Variants in PALLD observed in about 807,000 individuals in gnomAD.
PALLD encodes the protein palladin.
A neutral mutation model predicts 123.5 loss-of-function variants in PALLD; 61 were observed. That is an observed-to-expected ratio of 0.49 (90% CI 0.40 to 0.61). The LOEUF is 0.61. Among genes scored for constraint, PALLD ranks in the 20% least tolerant of loss-of-function variants. PALLD has a pLI of 0.00. For missense variants in PALLD, 1,273 were observed against 1,377.0 expected, an observed-to-expected ratio of 0.92 and a Z score of 1.20; for synonymous variants, 465 against 496.4, an observed-to-expected ratio of 0.94 and a Z score of 0.84.
chr4:168,690,982 T>G (rs529400789), intron 7 of PALLD, among the ~76,000 whole-genome samples: 1 of 152,184 alleles, frequency 6.6e-6, no homozygotes, highest in Admixed American at 6.5e-5. Flanking sequence ...GTACTCAAAT[T>G]TGCATGAATA....
At chr4:168,925,805 G>A (rs552717967) in intron 21 of PALLD, among the ~76,000 whole-genome samples, 3 of 152,056 alleles carry the variant, frequency 2.0e-5, no homozygotes, top group Non-Finnish European at 4.4e-5. Flanking sequence ...CCTACTGTAC[G>A]ATTCCTTTCA....
chr4:168,694,454 C>A (rs1475899164), intron 8 of PALLD, among the ~76,000 whole-genome samples: 1 of 152,048 alleles, frequency 6.6e-6, no homozygotes, highest in Admixed American at 6.6e-5. Flanking sequence ...GTCTCTTTCT[C>A]TCCCCTCACC....
At chr4:168,634,841 G>A (rs1776183369) in intron 2 of PALLD, among the ~76,000 whole-genome samples, 1 of 152,196 alleles carries the variant, frequency 6.6e-6, no homozygotes, top group Admixed American at 6.5e-5. Flanking sequence ...ATTGTTGGCT[G>A]AACTGGCTCA....
intron 3 of PALLD, among the ~76,000 whole-genome samples, chr4:168,672,198 G>A (rs993599720): frequency 6.6e-6 from 1 of 152,150 alleles, no homozygotes; most frequent in Non-Finnish European, 1.5e-5. Flanking sequence ...TCAGATCAGG[G>A]TAATTAGCAT....
intron 2 of PALLD, among the ~76,000 whole-genome samples, chr4:168,581,399 C>T (rs761927674): frequency 3.5e-4 from 53 of 152,096 alleles, no homozygotes; most frequent in Middle Eastern, 3.4e-3. Flanking sequence ...TTTCTTCACG[C>T]CCTTGCCAAC....
At chr4:168,834,460 C>T (rs1034468791) in intron 10 of PALLD, among the ~76,000 whole-genome samples, 4 of 151,994 alleles carry the variant, frequency 2.6e-5, no homozygotes, top group East Asian at 1.9e-4. Context: ...AACAATAGGC[C>T]GGGCATAGAG....
intron 15 of PALLD, among the ~76,000 whole-genome samples, chr4:168,910,355 G>C (rs1364333317): frequency 6.6e-6 from 1 of 151,248 alleles, no homozygotes; most frequent in East Asian, 1.9e-4. Flanking sequence ...GTACATTTCA[G>C]TATGATTGTG....
intron 10 of PALLD, chr4:168,712,167 C>T: frequency 1.8e-6 from 1 of 568,398 alleles, no homozygotes; most frequent in Non-Finnish European, 3.1e-6. Context: ...GTGAAAATAT[C>T]TGTGCCCAGT....
chr4:168,594,367 TC>T (rs1034169525), intron 2 of PALLD, among the ~76,000 whole-genome samples: 84 of 152,256 alleles, frequency 5.5e-4, no homozygotes, highest in Non-Finnish European at 8.2e-4. Context: ...ATACCATCAT[TC>T]CTGACAGTTT....
intron 6 of PALLD, among the ~76,000 whole-genome samples, chr4:168,685,831 A>C (rs1453837326): frequency 1.3e-5 from 2 of 151,298 alleles, no homozygotes; most frequent in Non-Finnish European, 2.9e-5. Context: ...AAAAAAAAAA[A>C]AAAACCTGCT....
chr4:168,546,648 T>C (rs948334363), intron 2 of PALLD, among the ~76,000 whole-genome samples: 3 of 152,116 alleles, frequency 2.0e-5, no homozygotes, highest in African/African-American at 4.8e-5. Context: ...ATGAAAAAAG[T>C]TGGTCCAGTA....
chr4:168,499,302 G>A (rs1761125738), intron 1 of PALLD, among the ~76,000 whole-genome samples: 1 of 84,812 alleles, frequency 1.2e-5, no homozygotes, highest in Non-Finnish European at 2.4e-5. Context: ...GAGGATGGGA[G>A]GGAGGAAGGG....
At chr4:168,811,209 T>C (rs2150740632) in intron 10 of PALLD, among the ~76,000 whole-genome samples, 1 of 152,332 alleles carries the variant, frequency 6.6e-6, no homozygotes, top group East Asian at 1.9e-4. Flanking sequence ...TCAGCCAACA[T>C]GTAAAGTGAC....
chr4:168,523,355 T>C (rs1763751523), intron 2 of PALLD, among the ~76,000 whole-genome samples: 1 of 152,056 alleles, frequency 6.6e-6, no homozygotes, highest in African/African-American at 2.4e-5. Context: ...GTCAGAAAGA[T>C]CTTCAAAATA....
intron 10 of PALLD, among the ~76,000 whole-genome samples, chr4:168,748,419 T>C (rs1730596311): frequency 6.6e-6 from 1 of 152,218 alleles, no homozygotes; most frequent in Admixed American, 6.5e-5. Flanking sequence ...CAGTTCTAAG[T>C]AATATAGGGG....
intron 2 of PALLD, among the ~76,000 whole-genome samples, chr4:168,558,938 C>T (rs1277215595): frequency 6.6e-6 from 1 of 152,160 alleles, no homozygotes; most frequent in East Asian, 1.9e-4. Context: ...TATAATGTAA[C>T]TTTCCACATA....
chr4:168,602,044 A>G (rs1427615118), intron 2 of PALLD, among the ~76,000 whole-genome samples: 1 of 152,214 alleles, frequency 6.6e-6, no homozygotes, highest in East Asian at 1.9e-4. Flanking sequence ...TCCAGCATAG[A>G]GCACTCTTGT....
chr4:168,607,575 C>T (rs1580548857), intron 2 of PALLD, among the ~76,000 whole-genome samples: 1 of 152,132 alleles, frequency 6.6e-6, no homozygotes, highest in African/African-American at 2.4e-5. Context: ...GTTCTGAGTG[C>T]TTTACCTGTG....
chr4:168,761,959 T>C (rs903133787), intron 10 of PALLD, among the ~76,000 whole-genome samples: 5 of 152,116 alleles, frequency 3.3e-5, no homozygotes, highest in Non-Finnish European at 5.9e-5. Context: ...TTCTCCAAAC[T>C]CAGTCTTATT....
Sources: allele counts gnomAD v4.1 joint callset (sites outside exome capture counted in the v4.1 genomes callset), GRCh38; gene constraint gnomAD v4.1.1; transcripts MANE v1.5; gene names NCBI Gene and HGNC (gene_info 2026-07-23, HGNC 2026-07-21).